The following GHR variants were observed in gnomAD, a reference collection of about 807,000 sequenced individuals.
The protein encoded by GHR is growth hormone receptor.
A neutral mutation model predicts 67.1 loss-of-function variants in GHR; 35 were observed. The ratio of observed to expected loss-of-function variants is 0.52; its 90% CI spans 0.40 to 0.69. The LOEUF is 0.69. Among genes scored for constraint, GHR ranks in the 30% least tolerant of loss-of-function variants. GHR has a pLI of 0.00. For synonymous variants in GHR, 272 were observed against 269.1 expected, an observed-to-expected ratio of 1.01 and a Z score of -0.10; for missense variants, 792 against 764.6, an observed-to-expected ratio of 1.04 and a Z score of -0.42.
In GHR at chr5:42,670,879, AAAT is replaced by A. The variant is rs1471316393; in HGVS notation, c.137-18009_137-18007del. ...AAAGCAAAAATTAAAAAAAAAAAAA[AAAT>A]ATATATATATATATAGGCAACAAAC... On this transcript the variant is annotated intron_variant, in intron 3 of 9. Coordinates refer to ENST00000230882, the MANE Select transcript of GHR (RefSeq NM_000163.5). Among the ~76,000 whole-genome samples the A allele has an allele frequency of 5.0e-4, 51 of 101,028 alleles. No individual in the cohort carries two copies. In the South Asian group the frequency reaches 6.7e-3, roughly 13 times the overall value. 66.3% of individuals were successfully genotyped at this position (101,028 alleles called of 152,430 possible).
At chr5:42,504,515 C>T (rs1251335619) in intron 1 of GHR, among the ~76,000 whole-genome samples, 3 of 152,154 alleles carry the variant, frequency 2.0e-5, no homozygotes, top group African/African-American at 7.2e-5. Flanking sequence ...AATCCCAGCA[C>T]TTTGGGAGGC....
intron 3 of GHR, among the ~76,000 whole-genome samples, chr5:42,665,269 A>T (rs1181974960): frequency 6.6e-6 from 1 of 152,204 alleles, no homozygotes; most frequent in Non-Finnish European, 1.5e-5. Flanking sequence ...AATGACTGTA[A>T]ATCATGCTGC....
At chr5:42,531,005 A>G (rs1747941289) in intron 1 of GHR, among the ~76,000 whole-genome samples, 1 of 152,186 alleles carries the variant, frequency 6.6e-6, no homozygotes, top group Non-Finnish European at 1.5e-5. Context: ...GCAGTGGCTC[A>G]CGCCTGTAAT....
intron 3 of GHR, among the ~76,000 whole-genome samples, chr5:42,683,768 A>T (rs1046016270): frequency 6.6e-6 from 1 of 152,212 alleles, no homozygotes; most frequent in Non-Finnish European, 1.5e-5. Context: ...GCTGCACAAC[A>T]TCTGTATCGG....
intron 1 of GHR, among the ~76,000 whole-genome samples, chr5:42,473,304 C>T (rs1745090308): frequency 6.6e-6 from 1 of 152,150 alleles, no homozygotes; most frequent in Non-Finnish European, 1.5e-5. Flanking sequence ...GATCTCGGGT[C>T]CCTGCAACCT....
At chr5:42,526,315 C>G (rs1747704272) in intron 1 of GHR, among the ~76,000 whole-genome samples, 1 of 152,168 alleles carries the variant, frequency 6.6e-6, no homozygotes. Context: ...TGACTCTCTT[C>G]AGTTTTATGT....
intron 2 of GHR, among the ~76,000 whole-genome samples, chr5:42,585,255 G>T (rs774832777): frequency 2.0e-5 from 3 of 152,202 alleles, no homozygotes; most frequent in Non-Finnish European, 4.4e-5. Context: ...CAGCTCAGAG[G>T]ATTCCTTCCA....
intron 1 of GHR, among the ~76,000 whole-genome samples, chr5:42,454,214 T>C (rs144437708): frequency 6.6e-6 from 1 of 152,340 alleles, no homozygotes; most frequent in East Asian, 1.9e-4. Context: ...GATAGGGATG[T>C]AGACTCTGTG....
chr5:42,450,647 T>C (rs1744009015), intron 1 of GHR, among the ~76,000 whole-genome samples: 1 of 152,088 alleles, frequency 6.6e-6, no homozygotes, highest in Non-Finnish European at 1.5e-5. Context: ...TCTTCTCTTA[T>C]TTGGTTATAT....
At chr5:42,707,808 A>T (rs893272686) in intron 6 of GHR, among the ~76,000 whole-genome samples, 1 of 152,034 alleles carries the variant, frequency 6.6e-6, no homozygotes, top group Non-Finnish European at 1.5e-5. Flanking sequence ...CACACGTTTT[A>T]AATTTTCGAT....
chr5:42,483,070 C>T (rs1745725205), intron 1 of GHR, among the ~76,000 whole-genome samples: 1 of 152,220 alleles, frequency 6.6e-6, no homozygotes, highest in Admixed American at 6.5e-5. Flanking sequence ...TTCACACTTA[C>T]TCTCTCTTTA....
chr5:42,687,804 A>C (rs2111647841), intron 3 of GHR, among the ~76,000 whole-genome samples: 1 of 152,318 alleles, frequency 6.6e-6, no homozygotes, highest in East Asian at 1.9e-4. Context: ...GTTTTAGATT[A>C]AGTTTACAAT....
At chr5:42,505,968 T>G (rs1052847185) in intron 1 of GHR, among the ~76,000 whole-genome samples, 1 of 152,198 alleles carries the variant, frequency 6.6e-6, no homozygotes, top group African/African-American at 2.4e-5. Context: ...TTCCATGGTA[T>G]TTTGAACCAA....
At chr5:42,526,074 A>G (rs1018419703) in intron 1 of GHR, among the ~76,000 whole-genome samples, 2 of 152,222 alleles carry the variant, frequency 1.3e-5, no homozygotes, top group African/African-American at 4.8e-5. Flanking sequence ...TTGAAAGCCA[A>G]TATAGGCTAA....
chr5:42,473,677 G>A (rs1189155872), intron 1 of GHR, among the ~76,000 whole-genome samples: 1 of 151,808 alleles, frequency 6.6e-6, no homozygotes, highest in African/African-American at 2.4e-5. Flanking sequence ...AAGAGATTGA[G>A]ACCATCCTGG....
chr5:42,703,367 T>C (rs1222593292), intron 6 of GHR, among the ~76,000 whole-genome samples: 2 of 152,092 alleles, frequency 1.3e-5, no homozygotes, highest in African/African-American at 4.8e-5. Context: ...TTACTGTAAA[T>C]GTGTGGATTT....
Position 42,660,911 on chromosome 5 carries a change from A to T in GHR, c.137-27979A>T, listed in dbSNP as rs1580146473. 2.6e-5 allele frequency among the ~76,000 whole-genome samples: 4 copies of T among 152,332 alleles called. 1 individual carries two copies. Among genetic ancestry groups the T allele is most frequent in the Admixed American group, 2.6e-4 (4 of 15,300 alleles). On this transcript the variant is annotated intron_variant, in intron 3 of 9. Coordinates refer to ENST00000230882, the MANE Select transcript of GHR (RefSeq NM_000163.5). ...GAATAACCAATACAGAGAAGTGCTT[A>T]AAGGAGCTGATGGAGCTGAAAACCA...
intron 1 of GHR, among the ~76,000 whole-genome samples, chr5:42,553,551 C>T (rs1749150734): frequency 6.6e-6 from 1 of 152,200 alleles, no homozygotes; most frequent in Non-Finnish European, 1.5e-5. Flanking sequence ...TCTGCCATAT[C>T]TCATTCTGCT....
At chr5:42,509,055 TA>T (rs1341979739) in intron 1 of GHR, among the ~76,000 whole-genome samples, 1 of 152,238 alleles carries the variant, frequency 6.6e-6, no homozygotes, top group East Asian at 1.9e-4. Flanking sequence ...TGACAACAAA[TA>T]AACATCCTCA....
Sources: gnomAD v4.1 joint callset for allele counts (sites outside exome capture counted in the v4.1 genomes callset) on GRCh38, gnomAD v4.1.1 for gene constraint, MANE v1.5 for transcripts, NCBI Gene and HGNC (gene_info 2026-07-23, HGNC 2026-07-21) for gene names.